EIF2S2: variants seen among roughly 807,000 people sequenced by gnomAD.
EIF2S2 encodes eukaryotic translation initiation factor 2 subunit 2.
Under a neutral mutation model 44.0 loss-of-function variants are expected in EIF2S2, and 4 were observed. The observed-to-expected ratio is 0.09, with a 90% CI of 0.04 to 0.21. EIF2S2 has a LOEUF of 0.21. Among genes scored for constraint, EIF2S2 ranks in the 10% least tolerant of loss-of-function variants. The pLI, the probability that EIF2S2 is intolerant of heterozygous loss-of-function variation, is 1.00. For synonymous variants in EIF2S2, 108 were observed against 128.3 expected (o/e 0.84, Z 1.07); for missense variants, 154 against 392.0 (o/e 0.39, Z 5.13).
Position 34,089,409 on chromosome 20 carries a change from G to T in EIF2S2, c.*321C>A, listed in dbSNP as rs531484090. The T allele has an allele frequency of 3.6e-5, 9 of 247,806 alleles. No individual in the cohort carries two copies. The highest frequency in any genetic ancestry group is 1.3e-3 in the Middle Eastern group (1 of 776). The allele number at this position is 247,806 out of a possible 1,614,324, so 15.4% of individuals were successfully genotyped here. On this transcript the variant is annotated 3_prime_UTR_variant, in exon 9 of 9. Coordinates refer to ENST00000374980, the MANE Select transcript of EIF2S2 (RefSeq NM_003908.5). ...TTTCACCAAGCACATTTATAGAAAA[G>T]AAAACTGAAGGACAAACCAAATTGA... is the stretch of plus-strand genomic sequence containing the variant.
Position 34,090,638 on chromosome 20 carries a change from GTT to G in EIF2S2, c.741-38_741-37del, listed in dbSNP as rs534420591. ...AAACAAAAATATCTCCATTATTATT[GTT>G]TTTTCCTAAAGGAACCAAATTCCAG... On this transcript the variant is annotated intron_variant, in intron 7 of 8. Transcript: ENST00000374980. 24 of 1,333,008 alleles carry G rather than the reference GTT, an allele frequency of 1.8e-5. No individual in the cohort carries two copies. The East Asian group carries it at 6.2e-4, about 34-fold the overall frequency. The allele number at this position is 1,333,008 out of a possible 1,614,324, so 82.6% of individuals were successfully genotyped here. A position where few individuals can be genotyped will look rare whatever the true frequency, so the allele number is the denominator to read the frequency against.
rs568417602 is a variant in EIF2S2, at chr20:34,109,021, G to A, written c.15+3075C>T. Among the ~76,000 whole-genome samples, 6 of 151,338 alleles carry A rather than the reference G, an allele frequency of 4.0e-5. No individual in the cohort carries two copies. The East Asian group carries it at 5.8e-4, about 15-fold the overall frequency. On this transcript the variant is annotated intron_variant, in intron 1 of 8. Coordinates refer to ENST00000374980, the MANE Select transcript of EIF2S2 (RefSeq NM_003908.5). ...GACTACTCTCAATTGTAATTATAGC[G>A]CACTGCAGCCTCGAACTCCTGGCCT...
At position 34,088,528 on chromosome 20, in the gene EIF2S2, G is replaced by A. The variant is rs2034123004; in HGVS notation, c.*1202C>T. 6.6e-6 allele frequency: 1 copy of A among 152,628 alleles called. No homozygotes were observed. The highest frequency in any genetic ancestry group is 1.5e-5 in the Non-Finnish European group (1 of 68,060). The allele number at this position is 152,628 out of a possible 1,614,324, so 9.5% of individuals were successfully genotyped here. On this transcript the variant is annotated 3_prime_UTR_variant, in exon 9 of 9. Coordinates refer to ENST00000374980, the MANE Select transcript of EIF2S2 (RefSeq NM_003908.5). ...TAGCCAAGGTGTTTGACAACACTTG[G>A]CCTGTACTTTAAGGGTCACAGTGAT...
intron 7 of EIF2S2, among the ~76,000 whole-genome samples, chr20:34,093,281 A>C (rs2034189126): frequency 6.6e-6 from 1 of 152,158 alleles, no homozygotes; most frequent in Admixed American, 6.6e-5. Flanking sequence ...CTCCAGTGCC[A>C]CTCATCAACT....
intron 1 of EIF2S2, among the ~76,000 whole-genome samples, chr20:34,110,802 A>G (rs2034403852): frequency 6.6e-6 from 1 of 152,236 alleles, no homozygotes; most frequent in Non-Finnish European, 1.5e-5. Flanking sequence ...GTAGAAACAA[A>G]ACAAGTGTGA....
chr20:34,103,399 ACAT>A (rs2034315114), intron 3 of EIF2S2, 60 bp downstream of exon 3: 4 of 1,475,194 alleles, frequency 2.7e-6, no homozygotes, highest in Non-Finnish European at 3.6e-6. Context: ...AGAGAGGGAA[ACAT>A]CAGCCATTAG....
At chr20:34,111,992 A>T (rs567870220) in intron 1 of EIF2S2, 104 bp downstream of exon 1, 7 of 1,246,646 alleles carry the variant, frequency 5.6e-6, no homozygotes, top group Admixed American at 4.0e-5. Flanking sequence ...GCTGCCTCAC[A>T]TGGCGGCGGC....
chr20:34,098,635 T>C lies in EIF2S2; in HGVS notation c.298-2A>G. 5 of 1,613,484 alleles carry C rather than the reference T, an allele frequency of 3.1e-6. No homozygotes were observed. The highest frequency in any genetic ancestry group is 4.2e-6 in the Non-Finnish European group (5 of 1,179,860). On this transcript the variant is annotated splice_acceptor_variant, in intron 3 of 8. Transcript: ENST00000374980. LOFTEE classifies it high-confidence loss of function. ...AACATCACTTTCAATCTTAAGATCC[T>C]AAGAAAGTGAGATGAGTCTGAACAT...
intron 1 of EIF2S2, chr20:34,108,442 C>T (rs529759106): frequency 6.6e-6 from 1 of 152,214 alleles, no homozygotes; most frequent in Non-Finnish European, 1.5e-5. Flanking sequence ...GCACCCAAAG[C>T]AGACCTCCCC....
intron 6 of EIF2S2, among the ~76,000 whole-genome samples, chr20:34,094,177 C>A (rs2034200678): frequency 6.6e-6 from 1 of 152,318 alleles, no homozygotes; most frequent in East Asian, 1.9e-4. Context: ...CAGATGTGAA[C>A]TGAGCCAGAT....
chr20:34,109,480 A>T (rs1473682329), intron 1 of EIF2S2, among the ~76,000 whole-genome samples: 3 of 151,982 alleles, frequency 2.0e-5, no homozygotes, highest in African/African-American at 7.3e-5. Context: ...TGGGCAACAA[A>T]GCAAGACCTC....
chr20:34,094,745 AAC>A (rs905821607), intron 6 of EIF2S2, among the ~76,000 whole-genome samples: 3 of 152,192 alleles, frequency 2.0e-5, no homozygotes, highest in African/African-American at 7.2e-5. Context: ...TAAAATAAAA[AAC>A]ACAAATATAG....
intron 3 of EIF2S2, among the ~76,000 whole-genome samples, chr20:34,099,997 T>C (rs186267586): frequency 5.9e-5 from 9 of 152,202 alleles, no homozygotes; most frequent in African/African-American, 1.7e-4. Context: ...GTATGACCAA[T>C]TGATTACATT....
At chr20:34,098,713 TGAG>T (rs946536901) in intron 3 of EIF2S2, 80 bp from the exon 4 acceptor site, 4 of 1,492,910 alleles carry the variant, frequency 2.7e-6, no homozygotes, top group Admixed American at 2.0e-5. Context: ...TCTGTTGAGA[TGAG>T]GAGGTCTTGC....
At chr20:34,110,981 T>C (rs1204017656) in intron 1 of EIF2S2, among the ~76,000 whole-genome samples, 1 of 152,222 alleles carries the variant, frequency 6.6e-6, no homozygotes, top group African/African-American at 2.4e-5. Flanking sequence ...TATACAACTC[T>C]GTAACACTCA....
chr20:34,101,755 ACCT>A (rs2034298559), intron 3 of EIF2S2, among the ~76,000 whole-genome samples: 1 of 150,820 alleles, frequency 6.6e-6, no homozygotes, highest in Non-Finnish European at 1.5e-5. Context: ...GCTTACTGCA[ACCT>A]CTACCTGCTG....
intron 2 of EIF2S2, 141 bp from the exon 3 acceptor site, chr20:34,103,706 G>A: frequency 7.9e-7 from 1 of 1,265,878 alleles, no homozygotes; most frequent in Non-Finnish European, 1.0e-6. Flanking sequence ...CAAAACTTAT[G>A]GTTCTTTTTT....
chr20:34,103,382 G>T (rs2034314956), intron 3 of EIF2S2, 80 bp downstream of exon 3: 1 of 1,450,020 alleles, frequency 6.9e-7, no homozygotes, highest in Non-Finnish European at 9.1e-7. Context: ...AGTAAGAGAT[G>T]AGTCAAAGAG....
At chr20:34,110,716 A>G (rs891980095) in intron 1 of EIF2S2, among the ~76,000 whole-genome samples, 1 of 152,184 alleles carries the variant, frequency 6.6e-6, no homozygotes, top group Admixed American at 6.5e-5. Context: ...TGACCCATAC[A>G]CAGAATAACA....
Sources: allele counts gnomAD v4.1 joint callset (sites outside exome capture counted in the v4.1 genomes callset), GRCh38; gene constraint gnomAD v4.1.1; transcripts MANE v1.5; gene names NCBI Gene and HGNC (gene_info 2026-07-23, HGNC 2026-07-21).